FBXL17: variants seen among roughly 807,000 people sequenced by gnomAD.
The protein encoded by FBXL17 is F-box and leucine rich repeat protein 17, also known as F-box/LRR-repeat protein 17.
A neutral mutation model predicts 66.2 loss-of-function variants in FBXL17; 22 were observed. That is an observed-to-expected ratio of 0.33 (90% CI 0.24 to 0.47). The LOEUF (loss-of-function observed/expected upper bound fraction) is 0.47. Ranked by LOEUF, FBXL17 falls within the 20% of genes least tolerant of loss-of-function variation. The pLI, the probability that FBXL17 is intolerant of heterozygous loss-of-function variation, is 1.00. For synonymous variants in FBXL17, 474 were observed against 400.5 expected (o/e 1.18, Z -2.19); for missense variants, 878 against 948.2 (o/e 0.93, Z 0.97).
At chr5:108,339,870 T>A (rs939839653) in intron 4 of FBXL17, among the ~76,000 whole-genome samples, 2 of 152,172 alleles carry the variant, frequency 1.3e-5, no homozygotes, top group Non-Finnish European at 2.9e-5. Context: ...CCATCTCCTA[T>A]CATCAGCTGA....
At position 108,382,005 on chromosome 5, in the gene FBXL17, CTCAG is replaced by C; in HGVS notation, c.-318_-315del. On this transcript the variant is annotated 5_prime_UTR_variant, in exon 1 of 9. The change abolishes the stop of an existing upstream ORF in the 5' untranslated region. Coordinates refer to ENST00000542267, the MANE Select transcript of FBXL17 (RefSeq NM_001163315.3). ...GACCAGTCCGGGCCCGGCCAGCCGG[CTCAG>C]TCAGTCAGCGGAGCGGCCGGGGAAA... 6 of 1,151,626 alleles carry C rather than the reference CTCAG, an allele frequency of 5.2e-6. No homozygotes were observed. The highest frequency in any genetic ancestry group is 6.4e-6 in the Non-Finnish European group (6 of 932,608). 71.3% of individuals were successfully genotyped at this position (1,151,626 alleles called of 1,614,324 possible). A position where few individuals can be genotyped will look rare whatever the true frequency, so the allele number is the denominator to read the frequency against.
chr5:108,128,686 T>C (rs78409006), intron 6 of FBXL17, among the ~76,000 whole-genome samples: 18,576 of 152,104 alleles, frequency 0.12, 1,347 homozygotes, highest in Admixed American at 0.16. Context: ...AAAAATTATG[T>C]GAAGATCTAC....
Position 107,921,619 on chromosome 5 carries a change from T to C in FBXL17, c.1823-40440A>G, listed in dbSNP as rs533648818. On this transcript the variant is annotated intron_variant, in intron 7 of 8. Transcript: ENST00000542267. ...CTGTTAAACCAACTCCACATACAAC[T>C]TGAAGAGTTAAATCCAAGCCAGCTG... is the stretch of plus-strand genomic sequence containing the variant. 8.5e-5 allele frequency among the ~76,000 whole-genome samples: 13 copies of C among 152,098 alleles called. 1 individual carries two copies. In the South Asian group the frequency reaches 2.7e-3, roughly 31 times the overall value.
intron 6 of FBXL17, among the ~76,000 whole-genome samples, chr5:108,113,804 G>A (rs559746114): frequency 5.3e-5 from 8 of 152,008 alleles, no homozygotes; most frequent in Admixed American, 1.3e-4. Flanking sequence ...CCATATATCC[G>A]TCTAATCTGA....
chr5:108,286,865 A>G (rs1757920078), intron 4 of FBXL17, among the ~76,000 whole-genome samples: 1 of 152,058 alleles, frequency 6.6e-6, no homozygotes, highest in African/African-American at 2.4e-5. Flanking sequence ...TGGAGGCACC[A>G]TGTTCCCTGA....
intron 6 of FBXL17, among the ~76,000 whole-genome samples, chr5:108,075,284 C>T (rs1350287968): frequency 6.6e-6 from 1 of 152,154 alleles, no homozygotes; most frequent in Non-Finnish European, 1.5e-5. Context: ...TGATTTTGTG[C>T]TACCTTAGCA....
chr5:108,208,452 G>A (rs530919273), intron 5 of FBXL17, among the ~76,000 whole-genome samples: 64 of 152,122 alleles, frequency 4.2e-4, no homozygotes, highest in Non-Finnish European at 7.7e-4. Flanking sequence ...TAGGTCTTAC[G>A]TTTAAGTCTT....
chr5:108,113,076 G>C (rs1750102301), intron 6 of FBXL17, among the ~76,000 whole-genome samples: 1 of 152,102 alleles, frequency 6.6e-6, no homozygotes, highest in African/African-American at 2.4e-5. Context: ...CTGCAATCTA[G>C]AGTTTGCTAA....
intron 6 of FBXL17, among the ~76,000 whole-genome samples, chr5:108,079,991 C>G (rs1049578036): frequency 5.3e-5 from 8 of 152,150 alleles, no homozygotes; most frequent in African/African-American, 1.9e-4. Context: ...GGCAGGGAGG[C>G]AGGCAGATAT....
intron 7 of FBXL17, among the ~76,000 whole-genome samples, chr5:107,954,960 T>A (rs968571923): frequency 2.0e-5 from 3 of 152,164 alleles, no homozygotes; most frequent in Non-Finnish European, 4.4e-5. Flanking sequence ...GGAAATTCAA[T>A]CTTGTTAATT....
intron 4 of FBXL17, among the ~76,000 whole-genome samples, chr5:108,327,428 T>C (rs1054165336): frequency 1.3e-5 from 2 of 152,168 alleles, no homozygotes; most frequent in Non-Finnish European, 2.9e-5. Flanking sequence ...ACAGATTATA[T>C]GATGTAGTTC....
At chr5:108,084,078 T>G (rs1164491452) in intron 6 of FBXL17, among the ~76,000 whole-genome samples, 1 of 152,228 alleles carries the variant, frequency 6.6e-6, no homozygotes, top group East Asian at 1.9e-4. Context: ...TAAAGTGGCT[T>G]TCTTCTGTGT....
At chr5:108,273,391 C>A (rs1757356874) in intron 4 of FBXL17, among the ~76,000 whole-genome samples, 2 of 151,628 alleles carry the variant, frequency 1.3e-5, no homozygotes, top group Admixed American at 1.3e-4. Flanking sequence ...AAAAGTCTCT[C>A]TGGCCTCAAT....
intron 3 of FBXL17, among the ~76,000 whole-genome samples, chr5:108,351,676 C>T (rs541683414): frequency 6.6e-6 from 1 of 152,188 alleles, no homozygotes; most frequent in Non-Finnish European, 1.5e-5. Flanking sequence ...AGTGCTAAAG[C>T]TGACATCTTG....
intron 6 of FBXL17, among the ~76,000 whole-genome samples, chr5:108,137,987 G>C (rs1374614308): frequency 1.3e-5 from 2 of 152,082 alleles, no homozygotes; most frequent in African/African-American, 2.4e-5. Context: ...AAGTTACCTT[G>C]TTTTAGTTTT....
At chr5:108,100,460 A>C (rs1280947242) in intron 6 of FBXL17, among the ~76,000 whole-genome samples, 3 of 152,208 alleles carry the variant, frequency 2.0e-5, no homozygotes, top group South Asian at 2.1e-4. Context: ...AGCAAATCCC[A>C]AAAATTATGT....
At chr5:107,875,910 C>T (rs774614408) in intron 8 of FBXL17, among the ~76,000 whole-genome samples, 4 of 152,198 alleles carry the variant, frequency 2.6e-5, no homozygotes, top group Admixed American at 6.5e-5. Context: ...CACACAGAGG[C>T]GGCTCTCCTC....
intron 3 of FBXL17, among the ~76,000 whole-genome samples, chr5:108,359,969 T>G (rs1002009171): frequency 2.0e-5 from 3 of 152,136 alleles, no homozygotes; most frequent in African/African-American, 7.2e-5. Flanking sequence ...TTTTAAGGAT[T>G]CTGTTGTTAG....
intron 6 of FBXL17, among the ~76,000 whole-genome samples, chr5:108,050,528 G>GA (rs1747429102): frequency 6.6e-6 from 1 of 151,376 alleles, no homozygotes; most frequent in South Asian, 2.1e-4. Flanking sequence ...AGAAAAAAGA[G>GA]AATCTCTGGG....
Sources: gnomAD v4.1 joint callset for allele counts (sites outside exome capture counted in the v4.1 genomes callset) on GRCh38, gnomAD v4.1.1 for gene constraint, MANE v1.5 for transcripts, NCBI Gene and HGNC (gene_info 2026-07-23, HGNC 2026-07-21) for gene names.